THSD7A: variants seen among roughly 807,000 people sequenced by gnomAD.
THSD7A encodes thrombospondin type 1 domain containing 7A, also known as thrombospondin type-1 domain-containing protein 7A.
A neutral mutation model predicts 231.3 loss-of-function variants in THSD7A; 96 were observed. The ratio of observed to expected loss-of-function variants is 0.41; its 90% CI spans 0.35 to 0.49. The LOEUF is 0.49. Among genes scored for constraint, THSD7A ranks in the 20% least tolerant of loss-of-function variants. The pLI is 0.05. For synonymous variants in THSD7A, 940 were observed against 743.3 expected (o/e 1.26, Z -4.30); for missense variants, 2,290 against 2,070.2 (o/e 1.11, Z -2.06).
At chr7:11,805,082 C>T (rs1784365253) in intron 1 of THSD7A, among the ~76,000 whole-genome samples, 2 of 152,078 alleles carry the variant, frequency 1.3e-5, no homozygotes, top group Admixed American at 1.3e-4. Context: ...CTAGAGTTGT[C>T]ACCATATATC....
intron 6 of THSD7A, among the ~76,000 whole-genome samples, chr7:11,507,623 A>G (rs1228774317): frequency 1.3e-5 from 2 of 148,832 alleles, no homozygotes; most frequent in African/African-American, 2.5e-5. Flanking sequence ...TTAATTTTTA[A>G]CTGCTGGAGT....
chr7:11,470,144 C>A (rs1448720217), intron 8 of THSD7A, 150 bp from the exon 9 acceptor site: 2 of 636,496 alleles, frequency 3.1e-6, no homozygotes, highest in African/African-American at 1.8e-5. Flanking sequence ...CTGCTACAGG[C>A]AAGAACTATA....
At chr7:11,784,742 T>A (rs1390349947) in intron 1 of THSD7A, among the ~76,000 whole-genome samples, 1 of 152,172 alleles carries the variant, frequency 6.6e-6, no homozygotes, top group African/African-American at 2.4e-5. Flanking sequence ...GGAACTCGAA[T>A]AATGCTGGTT....
intron 4 of THSD7A, among the ~76,000 whole-genome samples, chr7:11,588,371 A>C (rs1424316445): frequency 6.6e-6 from 1 of 152,138 alleles, no homozygotes; most frequent in African/African-American, 2.4e-5. Flanking sequence ...TTTTGCAAAG[A>C]CTTTAAGAAG....
At chr7:11,410,337 C>G (rs148886998) in intron 19 of THSD7A, 2 of 152,092 alleles carry the variant, frequency 1.3e-5, no homozygotes, top group African/African-American at 4.8e-5. Flanking sequence ...GGTATAGGAA[C>G]AATTTACTGT....
intron 6 of THSD7A, among the ~76,000 whole-genome samples, chr7:11,512,372 T>C (rs1787848944): frequency 6.6e-6 from 1 of 152,152 alleles, no homozygotes; most frequent in Non-Finnish European, 1.5e-5. Context: ...TGGAAGTCAG[T>C]GTGGCGATTC....
At chr7:11,820,506 G>T in intron 1 of THSD7A, 1 of 846,472 alleles carries the variant, frequency 1.2e-6, no homozygotes, top group Non-Finnish European at 1.8e-6. Context: ...GCTTTTGGGT[G>T]TGTAATCTAG....
intron 23 of THSD7A, chr7:11,384,571 A>C (rs1387298703): frequency 6.6e-6 from 1 of 151,960 alleles, no homozygotes; most frequent in African/African-American, 2.4e-5. Context: ...AAAACTTGAT[A>C]TGGATAACAC....
In THSD7A at chr7:11,637,069, G is replaced by A. The variant is rs1051736171; in HGVS notation, c.191-108C>T. The A allele has an allele frequency of 1.0e-6, 1 of 995,702 alleles. No homozygotes were observed. The highest frequency in any genetic ancestry group is 1.6e-5 in the African/African-American group (1 of 61,238). The allele number at this position is 995,702 out of a possible 1,614,324, so 61.7% of individuals were successfully genotyped here. On this transcript the variant is annotated intron_variant, in intron 1 of 27. Coordinates refer to ENST00000423059, the MANE Select transcript of THSD7A (RefSeq NM_015204.3). This position sits in a 1 kb window ranked among gnomAD's most constrained non-coding sequence, Gnocchi z 4.2. Reference sequence around the variant, plus strand: ...GACCTAGTACATTAACTTCCCTGCGGTGTTACAAAGTAGGTCTCTGGACAC... The same window carrying A: ...GACCTAGTACATTAACTTCCCTGCGATGTTACAAAGTAGGTCTCTGGACAC...
intron 6 of THSD7A, among the ~76,000 whole-genome samples, chr7:11,528,642 A>T (rs1383601066): frequency 2.0e-5 from 3 of 152,178 alleles, no homozygotes; most frequent in Non-Finnish European, 4.4e-5. Flanking sequence ...GAGCTAATTT[A>T]CTTAAATTCC....
In THSD7A at chr7:11,639,202, T is replaced by A. The variant is rs144890308; in HGVS notation, c.191-2241A>T. On this transcript the variant is annotated intron_variant, in intron 1 of 27. Transcript: ENST00000423059. ...TGTAATTTAGTTGAACTTCCTGATA[T>A]ATTATTTTTTTCCAGTTTTTAAAAT... 4.1e-3 allele frequency among the ~76,000 whole-genome samples: 626 copies of A among 152,326 alleles called. 3 individuals carry two copies. The highest frequency in any genetic ancestry group is 0.014 in the African/African-American group (593 of 41,568).
intron 1 of THSD7A, among the ~76,000 whole-genome samples, chr7:11,765,584 G>A (rs893053862): frequency 2.6e-5 from 4 of 151,982 alleles, no homozygotes; most frequent in Middle Eastern, 3.2e-3. Flanking sequence ...TTTGACTATC[G>A]CCAACTTAAA....
At chr7:11,388,759 T>A (rs1782864791) in intron 23 of THSD7A, among the ~76,000 whole-genome samples, 1 of 152,160 alleles carries the variant, frequency 6.6e-6, no homozygotes, top group African/African-American at 2.4e-5. Context: ...GATGTTAGAG[T>A]GTAAATTTTA....
chr7:11,667,923 G>A lies in THSD7A; in HGVS notation c.191-30962C>T, dbSNP rs115230355. Among the ~76,000 whole-genome samples, 1,194 of 152,276 alleles carry A rather than the reference G, an allele frequency of 7.8e-3. 13 individuals are homozygous for A. The highest frequency in any genetic ancestry group is 0.027 in the African/African-American group (1,139 of 41,550). Reference sequence around the variant, plus strand: ...AAACAACATGCATATTAACGTTAATGTAACAGCAAAGTGTACTCTTTTAGA... The same window carrying A: ...AAACAACATGCATATTAACGTTAATATAACAGCAAAGTGTACTCTTTTAGA... On this transcript the variant is annotated intron_variant, in intron 1 of 27. Coordinates refer to ENST00000423059, the MANE Select transcript of THSD7A (RefSeq NM_015204.3).
intron 1 of THSD7A, among the ~76,000 whole-genome samples, chr7:11,686,323 A>ACC (rs1780051652): frequency 6.6e-6 from 1 of 151,880 alleles, no homozygotes; most frequent in African/African-American, 2.4e-5. Flanking sequence ...CCACACATGT[A>ACC]CCCCGAATCT....
chr7:11,513,794 A>C (rs980522405), intron 6 of THSD7A, among the ~76,000 whole-genome samples: 1 of 152,168 alleles, frequency 6.6e-6, no homozygotes, highest in South Asian at 2.1e-4. Flanking sequence ...ATGTTACATA[A>C]ATTTCACCTT....
Position 11,451,186 on chromosome 7 carries a change from C to T in THSD7A, c.2606-3762G>A, listed in dbSNP as rs148870168. On this transcript the variant is annotated intron_variant, in intron 11 of 27. Transcript: ENST00000423059. Reference sequence around the variant, plus strand: ...CATGCTATGAAAAAGGGAGCTATAACTGTTGTCAGATTAAAAGTGACCTAA... The same window carrying T: ...CATGCTATGAAAAAGGGAGCTATAATTGTTGTCAGATTAAAAGTGACCTAA... 1.5e-3 allele frequency among the ~76,000 whole-genome samples: 225 copies of T among 152,052 alleles called. 1 individual carries two copies. In the East Asian group the frequency reaches 0.021, roughly 14 times the overall value.
intron 4 of THSD7A, among the ~76,000 whole-genome samples, chr7:11,572,466 A>G (rs1336695965): frequency 6.6e-6 from 1 of 151,772 alleles, no homozygotes; most frequent in African/African-American, 2.4e-5. Context: ...GCATATGTTC[A>G]CTCCCCAAGA....
chr7:11,510,250 A>C (rs1198414472), intron 6 of THSD7A, among the ~76,000 whole-genome samples: 1 of 152,204 alleles, frequency 6.6e-6, no homozygotes, highest in African/African-American at 2.4e-5. Flanking sequence ...TGAATAGACC[A>C]ACAACAGGCT....
Sources: allele counts gnomAD v4.1 joint callset (sites outside exome capture counted in the v4.1 genomes callset), GRCh38; gene constraint gnomAD v4.1.1; non-coding constraint Gnocchi (gnomAD v3.1); transcripts MANE v1.5; gene names NCBI Gene and HGNC (gene_info 2026-07-23, HGNC 2026-07-21).